Variants in WWOX observed in about 807,000 individuals in gnomAD.
WWOX encodes the protein WW domain containing oxidoreductase.
In WWOX, 69 loss-of-function variants were observed where a neutral mutation model predicts 46.2. The observed-to-expected ratio is 1.49, with a 90% CI of 1.23 to 1.82. WWOX has a LOEUF of 1.82. Among genes scored for constraint, WWOX ranks in the 40% most tolerant of loss-of-function variants. The pLI is 0.00. For synonymous variants in WWOX, 359 were observed against 202.6 expected (o/e 1.77, Z -6.56); for missense variants, 919 against 542.6 (o/e 1.69, Z -6.89).
At chr16:78,202,325 C>T (rs1378604758) in intron 5 of WWOX, among the ~76,000 whole-genome samples, 1 of 152,222 alleles carries the variant, frequency 6.6e-6, no homozygotes, top group East Asian at 1.9e-4. Context: ...GGTGGTTCTC[C>T]AAACCCTTGG....
chr16:79,161,254 CCT>C (rs2150749963), intron 8 of WWOX, among the ~76,000 whole-genome samples: 1 of 152,238 alleles, frequency 6.6e-6, no homozygotes, highest in East Asian at 1.9e-4. Flanking sequence ...TCAAATCCTC[CCT>C]CTGTCTTTTC....
intron 8 of WWOX, among the ~76,000 whole-genome samples, chr16:79,001,204 C>G (rs1383496726): frequency 6.6e-6 from 1 of 152,212 alleles, no homozygotes; most frequent in East Asian, 1.9e-4. Context: ...AAGATGCAGT[C>G]TCGAGGAACG....
chr16:78,615,541 G>C (rs2046001994), intron 8 of WWOX, among the ~76,000 whole-genome samples: 2 of 152,022 alleles, frequency 1.3e-5, no homozygotes, highest in South Asian at 4.2e-4. Flanking sequence ...TCAGCTGCTT[G>C]GGACTACTAG....
chr16:78,212,675 G>A (rs1043168478), intron 5 of WWOX, among the ~76,000 whole-genome samples: 13 of 152,160 alleles, frequency 8.5e-5, no homozygotes, highest in Non-Finnish European at 7.3e-5. Flanking sequence ...CAAAAAGGAC[G>A]CAAGATTTAG....
chr16:78,920,469 C>T (rs1038676467), intron 8 of WWOX, among the ~76,000 whole-genome samples: 3 of 152,156 alleles, frequency 2.0e-5, no homozygotes, highest in African/African-American at 4.8e-5. Flanking sequence ...TTTTCGCTGA[C>T]CCCGAATGAC....
intron 8 of WWOX, among the ~76,000 whole-genome samples, chr16:78,785,128 G>C (rs1026804926): frequency 6.6e-6 from 1 of 152,190 alleles, no homozygotes; most frequent in African/African-American, 2.4e-5. Flanking sequence ...TTCAATACTA[G>C]TATGTAAAAC....
At chr16:79,114,309 C>G (rs1016759604) in intron 8 of WWOX, among the ~76,000 whole-genome samples, 2 of 151,814 alleles carry the variant, frequency 1.3e-5, no homozygotes, top group Admixed American at 1.3e-4. Flanking sequence ...TAAGATGGAG[C>G]CTCAATCCAG....
At chr16:78,686,688 C>T (rs186888976) in intron 8 of WWOX, among the ~76,000 whole-genome samples, 171 of 152,086 alleles carry the variant, frequency 1.1e-3, no homozygotes, top group South Asian at 1.9e-3. Flanking sequence ...GACATTTTTC[C>T]GGGAATCCAG....
At chr16:78,618,951 A>G (rs2046099053) in intron 8 of WWOX, among the ~76,000 whole-genome samples, 1 of 150,126 alleles carries the variant, frequency 6.7e-6, no homozygotes, top group Non-Finnish European at 1.5e-5. Flanking sequence ...TGCTGCAAGA[A>G]CAAAGACTTT....
At chr16:78,219,138 C>G (rs1324487080) in intron 5 of WWOX, among the ~76,000 whole-genome samples, 1 of 151,638 alleles carries the variant, frequency 6.6e-6, no homozygotes, top group Non-Finnish European at 1.5e-5. Context: ...ATGATAGAGA[C>G]TAGGTGAAGG....
At chr16:79,114,516 G>A (rs2049475705) in intron 8 of WWOX, among the ~76,000 whole-genome samples, 2 of 151,790 alleles carry the variant, frequency 1.3e-5, no homozygotes, top group Non-Finnish European at 2.9e-5. Context: ...CATAAGCCAG[G>A]GAACAGCAAG....
chr16:78,497,336 TA>T (rs1201334307), intron 8 of WWOX, among the ~76,000 whole-genome samples: 2 of 152,216 alleles, frequency 1.3e-5, no homozygotes, highest in Non-Finnish European at 2.9e-5. Flanking sequence ...ATTGGAGACT[TA>T]AACATAAGAT....
chr16:79,076,923 C>A (rs1379212848), intron 8 of WWOX, among the ~76,000 whole-genome samples: 1 of 152,072 alleles, frequency 6.6e-6, no homozygotes, highest in Non-Finnish European at 1.5e-5. Flanking sequence ...TCATGCTTAC[C>A]CTGAGAGAAA....
intron 5 of WWOX, chr16:78,355,755 CAACAA>C (rs1349960677): frequency 9.9e-6 from 7 of 709,754 alleles, no homozygotes; most frequent in Non-Finnish European, 1.7e-5. Flanking sequence ...ACATATGAAT[CAACAA>C]AACAGAATAT....
intron 8 of WWOX, among the ~76,000 whole-genome samples, chr16:78,804,792 C>T (rs768314586): frequency 6.6e-6 from 1 of 152,128 alleles, no homozygotes. Context: ...AGAAAATTCA[C>T]AGCCATCAAT....
intron 5 of WWOX, among the ~76,000 whole-genome samples, chr16:78,227,020 C>G (rs1367654300): frequency 6.6e-6 from 1 of 152,196 alleles, no homozygotes; most frequent in Non-Finnish European, 1.5e-5. Context: ...ATGTGCTTCT[C>G]TTTTACTTCT....
At chr16:78,682,029 A>G (rs896616186) in intron 8 of WWOX, among the ~76,000 whole-genome samples, 1 of 152,190 alleles carries the variant, frequency 6.6e-6, no homozygotes, top group East Asian at 1.9e-4. Flanking sequence ...TTTCATTTGT[A>G]AAGAGTTGTT....
At chr16:79,076,796 C>A (rs77984737) in intron 8 of WWOX, among the ~76,000 whole-genome samples, 9,892 of 152,320 alleles carry the variant, frequency 0.065, 401 homozygotes, top group Middle Eastern at 0.095. Context: ...ATACCTAGCA[C>A]ATAGGGTTAT....
intron 4 of WWOX, among the ~76,000 whole-genome samples, chr16:78,155,796 C>G (rs2034577825): frequency 6.6e-6 from 1 of 152,144 alleles, no homozygotes; most frequent in Admixed American, 6.5e-5. Context: ...CTACATTTAG[C>G]TAATTAAACT....
Sources: gnomAD v4.1 joint callset for allele counts (sites outside exome capture counted in the v4.1 genomes callset) on GRCh38, gnomAD v4.1.1 for gene constraint, MANE v1.5 for transcripts, NCBI Gene and HGNC (gene_info 2026-07-23, HGNC 2026-07-21) for gene names.